KCNQ3: variants seen among roughly 807,000 people sequenced by gnomAD.
KCNQ3 encodes potassium voltage-gated channel subfamily Q member 3, also known as potassium voltage-gated channel subfamily KQT member 3.
In KCNQ3, 30 loss-of-function variants were observed where a neutral mutation model predicts 92.5. That is an observed-to-expected ratio of 0.32 (90% confidence interval 0.24 to 0.44). KCNQ3 has a LOEUF of 0.44. KCNQ3 is among the 20% of genes least tolerant of loss of function. The pLI, the probability that KCNQ3 is intolerant of heterozygous loss-of-function variation, is 1.00. For missense variants in KCNQ3, 913 were observed against 1,140.3 expected, an observed-to-expected ratio of 0.80 and a Z score of 2.87; for synonymous variants, 450 against 468.8, an observed-to-expected ratio of 0.96 and a Z score of 0.52.
intron 12 of KCNQ3, among the ~76,000 whole-genome samples, chr8:132,136,132 AAAAAAAAAAAAAAAG>A (rs1322555266): frequency 6.0e-5 from 9 of 149,758 alleles, no homozygotes; most frequent in African/African-American, 2.2e-4. Context: ...AAAAAAAAAA[AAAAAAAAAAAAAAAG>A]AAAAGAGAAA....
At chr8:132,456,581 G>A (rs181944779) in intron 1 of KCNQ3, among the ~76,000 whole-genome samples, 16 of 150,846 alleles carry the variant, frequency 1.1e-4, no homozygotes, top group Non-Finnish European at 2.1e-4. Context: ...AAAAAGCAAT[G>A]TTAGCTTTCT....
At chr8:132,370,574 A>G (rs760659135) in intron 1 of KCNQ3, among the ~76,000 whole-genome samples, 2 of 151,988 alleles carry the variant, frequency 1.3e-5, no homozygotes, top group East Asian at 3.9e-4. Context: ...GCTCCAATCA[A>G]TTGGGAAGAG....
chr8:132,281,211 G>A (rs1168984894), intron 1 of KCNQ3, among the ~76,000 whole-genome samples: 2 of 152,076 alleles, frequency 1.3e-5, no homozygotes, highest in Non-Finnish European at 2.9e-5. Context: ...GGCACTATAC[G>A]ACTAATACCA....
intron 1 of KCNQ3, among the ~76,000 whole-genome samples, chr8:132,304,436 A>T (rs1178703527): frequency 6.6e-6 from 1 of 152,226 alleles, no homozygotes; most frequent in African/African-American, 2.4e-5. Context: ...GTCCATGGTC[A>T]TCTTAACTTC....
chr8:132,133,006 TA>T (rs2130929230), intron 13 of KCNQ3, among the ~76,000 whole-genome samples: 1 of 152,346 alleles, frequency 6.6e-6, no homozygotes, highest in Admixed American at 6.5e-5. Flanking sequence ...TGCGAAGCCC[TA>T]AATTTTAAAA....
At chr8:132,446,226 C>T (rs1014621849) in intron 1 of KCNQ3, among the ~76,000 whole-genome samples, 4 of 152,166 alleles carry the variant, frequency 2.6e-5, no homozygotes, top group Admixed American at 2.6e-4. Context: ...GATCCACCAA[C>T]CTTAAGCTAC....
In KCNQ3 at chr8:132,141,162, T is replaced by G. The variant is rs763476056; in HGVS notation, c.1432A>C (p.Met478Leu). Residue 478 changes from methionine to leucine, a missense_variant, in exon 10 of 15, where the codon ATG becomes CTG. Met to Leu is a conservative substitution (Grantham distance 15). Transcript: ENST00000388996. ...NKERFRTAFRMKAYAFWQSSE... is the reference protein window; with the variant it reads ...NKERFRTAFRLKAYAFWQSSE... ...CTCTGCCAGAAAGCGTAGGCTTTCATGCGGAAGGCCGTGCGGAAACGCTCT... is the reference window on the plus strand; with the variant it reads ...CTCTGCCAGAAAGCGTAGGCTTTCAGGCGGAAGGCCGTGCGGAAACGCTCT... 1 of 1,614,178 alleles carries G rather than the reference T, an allele frequency of 6.2e-7. No homozygotes were observed.
Position 132,180,334 on chromosome 8 carries a change from G to A in KCNQ3, c.605-5C>T, listed in dbSNP as rs1398070601. ...AGGCAATCAGCACAAAGATGTCTGG[G>A]AGAGAGGACAGACAGAGTGGGAGGG... On this transcript the variant is annotated splice_region_variant and splice_polypyrimidine_tract_variant and intron_variant, in intron 3 of 14. Transcript: ENST00000388996. The A allele has an allele frequency of 2.5e-6, 4 of 1,613,722 alleles. No homozygotes were observed. The African/African-American group carries it at 4.0e-5, about 16-fold the overall frequency.
chr8:132,317,391 T>C (rs1817773674), intron 1 of KCNQ3, among the ~76,000 whole-genome samples: 1 of 152,262 alleles, frequency 6.6e-6, no homozygotes, highest in Non-Finnish European at 1.5e-5. Flanking sequence ...TATTTGGATA[T>C]AGTTTTGCAA....
At chr8:132,318,503 CTG>C (rs1817804740) in intron 1 of KCNQ3, among the ~76,000 whole-genome samples, 1 of 152,248 alleles carries the variant, frequency 6.6e-6, no homozygotes, top group Non-Finnish European at 1.5e-5. Flanking sequence ...CAGCCCAGCT[CTG>C]TGTTTGCAAA....
chr8:132,157,083 A>G (rs1387461710), intron 9 of KCNQ3, among the ~76,000 whole-genome samples: 1 of 152,216 alleles, frequency 6.6e-6, no homozygotes, highest in Non-Finnish European at 1.5e-5. Context: ...GAACTGTGAG[A>G]GAATAAATTT....
intron 1 of KCNQ3, among the ~76,000 whole-genome samples, chr8:132,210,572 T>C (rs1813818969): frequency 6.6e-6 from 1 of 152,238 alleles, no homozygotes; most frequent in Non-Finnish European, 1.5e-5. Flanking sequence ...GTCAACTGAC[T>C]GCCACAGCTT....
intron 1 of KCNQ3, among the ~76,000 whole-genome samples, chr8:132,469,553 C>A (rs1314725335): frequency 6.6e-6 from 1 of 152,146 alleles, no homozygotes; most frequent in Non-Finnish European, 1.5e-5. Context: ...AATGACAGGG[C>A]ATGGCATCTA....
intron 1 of KCNQ3, among the ~76,000 whole-genome samples, chr8:132,255,772 G>T (rs1815564332): frequency 6.6e-6 from 1 of 152,156 alleles, no homozygotes. Flanking sequence ...TAAACTAACT[G>T]AACACAGACT....
intron 1 of KCNQ3, among the ~76,000 whole-genome samples, chr8:132,390,348 C>T (rs1041274893): frequency 6.6e-5 from 10 of 152,174 alleles, no homozygotes; most frequent in Admixed American, 2.0e-4. Context: ...GACAGTGCAG[C>T]ACCTCCCAAG....
At chr8:132,290,034 C>G (rs1029253071) in intron 1 of KCNQ3, among the ~76,000 whole-genome samples, 3 of 152,196 alleles carry the variant, frequency 2.0e-5, no homozygotes, top group Non-Finnish European at 4.4e-5. Flanking sequence ...GTTTTGGGTA[C>G]AGCAGACTTT....
At chr8:132,207,397 T>C (rs1030814185) in intron 1 of KCNQ3, among the ~76,000 whole-genome samples, 2 of 152,210 alleles carry the variant, frequency 1.3e-5, no homozygotes, top group African/African-American at 4.8e-5. Flanking sequence ...AATAAAGCAT[T>C]GTGCCAAAGG....
At chr8:132,264,098 A>T (rs1336550206) in intron 1 of KCNQ3, among the ~76,000 whole-genome samples, 1 of 152,188 alleles carries the variant, frequency 6.6e-6, no homozygotes, top group Admixed American at 6.5e-5. Context: ...GCTCAAGTTG[A>T]CCCAGCTAGC....
intron 1 of KCNQ3, among the ~76,000 whole-genome samples, chr8:132,383,740 G>A (rs898464166): frequency 1.3e-5 from 2 of 152,166 alleles, no homozygotes. Flanking sequence ...TGGTAGGAAG[G>A]TTTTCCTGAT....
Sources: gnomAD v4.1 joint callset for allele counts (sites outside exome capture counted in the v4.1 genomes callset) on GRCh38, gnomAD v4.1.1 for gene constraint, MANE v1.5 for transcripts, NCBI Gene and HGNC (gene_info 2026-07-23, HGNC 2026-07-21) for gene names.